TAMM41: variants seen among roughly 807,000 people sequenced by gnomAD.
The protein encoded by TAMM41 is phosphatidate cytidylyltransferase, mitochondrial.
TAMM41 carries 36 observed loss-of-function variants against 44.1 expected under a neutral mutation model. The ratio of observed to expected loss-of-function variants is 0.82; its 90% CI spans 0.63 to 1.08. The LOEUF (loss-of-function observed/expected upper bound fraction) is 1.08. TAMM41 is among the 50% of genes least tolerant of loss of function. TAMM41 has a pLI of 0.00. For missense variants in TAMM41, 417 were observed against 404.3 expected (o/e 1.03, Z -0.27); for synonymous variants, 164 against 153.1 (o/e 1.07, Z -0.53).
At chr3:11,831,845 T>C (rs550992045) in intron 3 of TAMM41, among the ~76,000 whole-genome samples, 1 of 152,320 alleles carries the variant, frequency 6.6e-6, no homozygotes, top group East Asian at 1.9e-4. Context: ...ACATCATATA[T>C]GGTAGGTAAG....
the TAMM41 span, among the ~76,000 whole-genome samples, chr3:11,745,986 G>A: frequency 3.3e-5 from 5 of 152,222 alleles, no homozygotes; most frequent in African/African-American, 1.2e-4. Context: ...CTCATATACC[G>A]TTTGGCACTT....
chr3:11,820,681 C>T (rs1342730400), intron 4 of TAMM41, among the ~76,000 whole-genome samples: 1 of 152,198 alleles, frequency 6.6e-6, no homozygotes, highest in Non-Finnish European at 1.5e-5. Context: ...ACATCATGGG[C>T]ACAGCACGAA....
the TAMM41 span, among the ~76,000 whole-genome samples, chr3:11,764,238 C>G: frequency 6.6e-6 from 1 of 151,970 alleles, no homozygotes; most frequent in Non-Finnish European, 1.5e-5. Flanking sequence ...TCAAGTGATC[C>G]TCCTGCTTCA....
intron 4 of TAMM41, among the ~76,000 whole-genome samples, chr3:11,819,731 T>C (rs1035004607): frequency 1.3e-5 from 2 of 152,096 alleles, no homozygotes. Context: ...TCTGTCTCTA[T>C]GTAATTTTTT....
the TAMM41 span, among the ~76,000 whole-genome samples, chr3:11,767,969 C>A: frequency 6.6e-6 from 1 of 150,762 alleles, no homozygotes; most frequent in Non-Finnish European, 1.5e-5. Context: ...AAAATGGGTG[C>A]AAATCAAAGC....
chr3:11,753,305 T>G, the TAMM41 span, among the ~76,000 whole-genome samples: 1 of 152,016 alleles, frequency 6.6e-6, no homozygotes, highest in Non-Finnish European at 1.5e-5. Context: ...CATAGTGGTG[T>G]GGCTTGTAGT....
chr3:11,753,690 T>C, the TAMM41 span, among the ~76,000 whole-genome samples: 1 of 151,430 alleles, frequency 6.6e-6, no homozygotes, highest in Non-Finnish European at 1.5e-5. Flanking sequence ...TGAGCTGAGG[T>C]TGCGCCACTG....
chr3:11,776,242 T>C, the TAMM41 span, among the ~76,000 whole-genome samples: 1 of 151,840 alleles, frequency 6.6e-6, no homozygotes, highest in Non-Finnish European at 1.5e-5. Flanking sequence ...ATGGTCTTGA[T>C]CTCCTGACCT....
the TAMM41 span, among the ~76,000 whole-genome samples, chr3:11,738,548 C>A: frequency 1.3e-4 from 20 of 152,316 alleles, no homozygotes; most frequent in Middle Eastern, 3.4e-3. Flanking sequence ...GAGCTCTAAG[C>A]CCTGGCCCTT....
chr3:11,726,588 G>C, the TAMM41 span, among the ~76,000 whole-genome samples: 1 of 152,122 alleles, frequency 6.6e-6, no homozygotes, highest in African/African-American at 2.4e-5. Flanking sequence ...GATCACTTGA[G>C]GTCAGGAGTT....
At chr3:11,808,985 T>A (rs530398956) in intron 6 of TAMM41, 1 of 163,454 alleles carries the variant, frequency 6.1e-6, no homozygotes, top group East Asian at 1.9e-4. Flanking sequence ...CTTCCTAAAG[T>A]GTTGGGAGTA....
At chr3:11,838,372 C>G (rs1035363470) in intron 3 of TAMM41, among the ~76,000 whole-genome samples, 1 of 152,160 alleles carries the variant, frequency 6.6e-6, no homozygotes, top group Non-Finnish European at 1.5e-5. Context: ...TGTGCCACCA[C>G]GCCCAGGTAC....
chr3:11,772,285 G>A, the TAMM41 span, among the ~76,000 whole-genome samples: 3 of 144,692 alleles, frequency 2.1e-5, no homozygotes, highest in Non-Finnish European at 4.5e-5. Context: ...CTTTCACCGT[G>A]TTAGCCAGGA....
chr3:11,790,441 G>T, downstream of TAMM41: 1 of 1,421,170 alleles, frequency 7.0e-7, no homozygotes, highest in Non-Finnish European at 9.9e-7. Context: ...AACAAACACT[G>T]TTCTGTCAAA....
chr3:11,813,195 A>C (rs1019049436), intron 5 of TAMM41, among the ~76,000 whole-genome samples: 1 of 152,104 alleles, frequency 6.6e-6, no homozygotes, highest in Non-Finnish European at 1.5e-5. Flanking sequence ...ATCTCTGGAG[A>C]AATTCTACAG....
At chr3:11,730,928 A>G in the TAMM41 span, among the ~76,000 whole-genome samples, 3 of 152,156 alleles carry the variant, frequency 2.0e-5, no homozygotes, top group African/African-American at 7.2e-5. Flanking sequence ...CTGGCAAAGG[A>G]AAGTTGCTGA....
intron 3 of TAMM41, among the ~76,000 whole-genome samples, chr3:11,832,385 C>T (rs73134833): frequency 0.018 from 2,742 of 152,090 alleles, 51 homozygotes; most frequent in African/African-American, 0.054. Flanking sequence ...AGTGTAAGCA[C>T]GGTATTAGGT....
chr3:11,829,885 G>C (rs371011101), intron 3 of TAMM41, 21 bp from the exon 4 acceptor site: 10 of 1,612,074 alleles, frequency 6.2e-6, no homozygotes, highest in African/African-American at 1.3e-5. Context: ...CAGAACATTG[G>C]GAAGAAAAAT....
At chr3:11,747,587 C>G in the TAMM41 span, among the ~76,000 whole-genome samples, 2 of 151,488 alleles carry the variant, frequency 1.3e-5, no homozygotes, top group Non-Finnish European at 2.9e-5. Flanking sequence ...GGCAATATAG[C>G]GAGACTCCAT....
Sources: allele counts gnomAD v4.1 joint callset (sites outside exome capture counted in the v4.1 genomes callset), GRCh38; gene constraint gnomAD v4.1.1; transcripts MANE v1.5; gene names NCBI Gene and HGNC (gene_info 2026-07-23, HGNC 2026-07-21).